RBPJL: variants seen among roughly 807,000 people sequenced by gnomAD.
RBPJL encodes the protein recombining binding protein suppressor of hairless-like protein.
A neutral mutation model predicts 57.6 loss-of-function variants in RBPJL; 50 were observed. That is an observed-to-expected ratio of 0.87 (90% confidence interval 0.69 to 1.10). The LOEUF (loss-of-function observed/expected upper bound fraction) is 1.10. Ranked by LOEUF, RBPJL falls within the 50% of genes least tolerant of loss-of-function variation. The probability of loss-of-function intolerance (pLI) is 0.00; values close to 1 mark genes in which losing one functional copy is unlikely to be tolerated. For missense variants in RBPJL, 684 were observed against 693.7 expected (o/e 0.99, Z 0.16); for synonymous variants, 303 against 294.4 (o/e 1.03, Z -0.30).
At chr20:45,314,367 GC>G in intron 8 of RBPJL, 45 bp from the exon 9 acceptor site, 1 of 1,591,310 alleles carries the variant, frequency 6.3e-7, no homozygotes, top group Non-Finnish European at 8.6e-7. Context: ...GCCTCTGGAC[GC>G]CCGGGCTCCT....
chr20:45,308,234 C>T lies in RBPJL; in HGVS notation c.114C>T (p.Leu38=). The change falls in exon 2 of 12, where the codon CTC becomes CTT. Residue 38 remains leucine (L), a synonymous_variant. Transcript: ENST00000343694. ...QLQSEADRRS[L]PGTWTRSSPE... The stretch of plus-strand genomic sequence containing the variant: ...AGAGCGAAGCCGACAGGCGGAGCCT[C>T]CCGGGCACTTGGACCAGGTAACGGC... The T allele has an allele frequency of 6.2e-7, 1 of 1,613,418 alleles. No individual in the cohort carries two copies. The highest frequency in any genetic ancestry group is 8.5e-7 in the Non-Finnish European group (1 of 1,179,340).
chr20:45,309,818 G>A (rs1168702268), intron 3 of RBPJL, 126 bp downstream of exon 3: 23 of 1,249,674 alleles, frequency 1.8e-5, no homozygotes, highest in Middle Eastern at 1.9e-4. Flanking sequence ...GCTATTGGTC[G>A]ACCAGGGCCT....
chr20:45,309,526 C>A, intron 2 of RBPJL, 41 bp from the exon 3 acceptor site: 1 of 1,582,750 alleles, frequency 6.3e-7, no homozygotes, highest in Non-Finnish European at 8.6e-7. Flanking sequence ...CTTGACCCTT[C>A]TCCCTCCTGT....
At chr20:45,308,444 C>G in intron 2 of RBPJL, 193 bp downstream of exon 2, 1 of 579,316 alleles carries the variant, frequency 1.7e-6, no homozygotes, top group Non-Finnish European at 3.1e-6. Context: ...GCTCCTACCA[C>G]GCTTGGAGCT....
In RBPJL at chr20:45,316,196, T is replaced by G; in HGVS notation, c.1030T>G (p.Cys344Gly). 1 of 1,613,814 alleles carries G rather than the reference T, an allele frequency of 6.2e-7. No homozygotes were observed. Among genetic ancestry groups the G allele is most frequent in the Non-Finnish European group, 8.5e-7 (1 of 1,179,706 alleles). ...TTGGGTCTCCTCCCAGGCCTCTCCC[T>G]GCCCCAAGGAGGCGAACAGGGCTCT... ...EKVVQFQASP[C>G]PKEANRALLN... The change falls in exon 10 of 12, where the codon TGC becomes GGC. Residue 344 changes from cysteine (C) to glycine (G), a missense_variant. Cys to Gly is a radical substitution (Grantham distance 159, BLOSUM62 -3). Coordinates refer to ENST00000343694, the MANE Select transcript of RBPJL (RefSeq NM_014276.4).
At chr20:45,315,289 G>A (rs571269015) in intron 9 of RBPJL, among the ~76,000 whole-genome samples, 35 of 151,952 alleles carry the variant, frequency 2.3e-4, no homozygotes, top group Non-Finnish European at 4.3e-4. Context: ...AGAATGTTAC[G>A]AGATAGAATT....
chr20:45,313,468 T>C lies in RBPJL; in HGVS notation c.620T>C (p.Leu207Pro). The change falls in exon 7 of 12, where the codon CTG becomes CCG. Residue 207 changes from leucine to proline, a missense_variant and splice_region_variant. Coordinates refer to ENST00000343694, the MANE Select transcript of RBPJL (RefSeq NM_014276.4). The stretch of plus-strand genomic sequence containing the variant: ...CTAACCCTGACCCTCACCCTCACAG[T>C]GTGCATATCCTCCGGCTCAAAGGTC... ...QKKQSLKNTD[L>P]CISSGSKVSL... is the part of the protein sequence containing the mutation. 3 of 1,610,750 alleles carry C rather than the reference T, an allele frequency of 1.9e-6. No homozygotes were observed. The highest frequency in any genetic ancestry group is 2.2e-5 in the East Asian group (1 of 44,826).
rs1986915693 is a variant in RBPJL, at chr20:45,308,241, A to C, written c.121A>C (p.Thr41Pro). Residue 41 changes from threonine (T) to proline (P), a missense_variant, in exon 2 of 12, where the codon ACT becomes CCT. Physicochemically the swap from Thr to Pro is conservative, Grantham distance 38. Coordinates refer to ENST00000343694, the MANE Select transcript of RBPJL (RefSeq NM_014276.4). ...AGCCGACAGGCGGAGCCTCCCGGGC[A>C]CTTGGACCAGGTAACGGCGGCGTGG... ...SEADRRSLPG[T>P]WTRSSPEHTT... The C allele has an allele frequency of 6.2e-7, 1 of 1,612,182 alleles. No homozygotes were observed. Among genetic ancestry groups the C allele is most frequent in the East Asian group, 2.2e-5 (1 of 44,862 alleles).
At chr20:45,309,779 G>A (rs897136404) in intron 3 of RBPJL, 87 bp downstream of exon 3, 153 of 1,545,926 alleles carry the variant, frequency 9.9e-5, no homozygotes, top group Middle Eastern at 3.4e-4. Context: ...TCTTTTAGAC[G>A]CAGAGCAGGC....
At chr20:45,311,774 G>C in intron 4 of RBPJL, 65 bp from the exon 5 acceptor site, 1 of 1,531,938 alleles carries the variant, frequency 6.5e-7, no homozygotes. Flanking sequence ...GGCGGCGAGC[G>C]CTAAGCTTGC....
chr20:45,308,370 C>T, intron 2 of RBPJL, 119 bp downstream of exon 2: 1 of 623,022 alleles, frequency 1.6e-6, no homozygotes, highest in Non-Finnish European at 2.9e-6. Context: ...CAGGCTGCAA[C>T]CCCTCCCACT....
At chr20:45,314,333 A>G in intron 8 of RBPJL, 80 bp from the exon 9 acceptor site, 1 of 1,498,990 alleles carries the variant, frequency 6.7e-7, no homozygotes, top group South Asian at 1.2e-5. Context: ...CTATTGGAGT[A>G]GCAGACAGCC....
At chr20:45,311,683 C>CGGCCGCCTG (rs1555857780) in intron 4 of RBPJL, 24 bp downstream of exon 4, 1 of 1,612,608 alleles carries the variant, frequency 6.2e-7, no homozygotes, top group Non-Finnish European at 8.5e-7. Flanking sequence ...CAAGGGCTGC[C>CGGCCGCCTG]GGCCGCCTGC....
intron 9 of RBPJL, chr20:45,315,799 GAAAGAA>G (rs1357806099): frequency 1.5e-5 from 2 of 136,376 alleles, no homozygotes; most frequent in Admixed American, 1.7e-4. Context: ...GAGAGAGAGA[GAAAGAA>G]AAAGAAAGAA....
chr20:45,310,390 T>A (rs1987102621), intron 3 of RBPJL, among the ~76,000 whole-genome samples: 1 of 152,084 alleles, frequency 6.6e-6, no homozygotes, highest in Non-Finnish European at 1.5e-5. Context: ...GCGGATCACC[T>A]GAGGTCAGGA....
intron 6 of RBPJL, among the ~76,000 whole-genome samples, chr20:45,313,007 CAAAA>C (rs11476630): frequency 4.9e-5 from 6 of 121,828 alleles, no homozygotes; most frequent in Admixed American, 8.0e-5. Context: ...GATGCTATCT[CAAAA>C]AAAAAAAAAA....
Position 45,306,948 on chromosome 20 carries a change from AGC to A in RBPJL, c.22+7_22+8del, listed in dbSNP as rs1446961962. ...ATGGACCCCGCAGGGGCAGCAGGTGAGCGCTTACCCTCCCGAGGCCCCGGAGA... is the reference window on the plus strand; with the variant it reads ...ATGGACCCCGCAGGGGCAGCAGGTGAGCTTACCCTCCCGAGGCCCCGGAGA... On this transcript the variant is annotated splice_donor_5th_base_variant and intron_variant, in intron 1 of 11. Transcript: ENST00000343694. 54 of 1,253,956 alleles carry A rather than the reference AGC, an allele frequency of 4.3e-5. No homozygotes were observed. Among genetic ancestry groups the A allele is most frequent in the Non-Finnish European group, 5.2e-5 (52 of 991,062 alleles). 77.7% of individuals were successfully genotyped at this position (1,253,956 alleles called of 1,614,324 possible). A position where few individuals can be genotyped will look rare whatever the true frequency, so the allele number is the denominator to read the frequency against.
chr20:45,315,138 C>A (rs1278980934), intron 9 of RBPJL, among the ~76,000 whole-genome samples: 1 of 151,970 alleles, frequency 6.6e-6, no homozygotes, highest in Admixed American at 6.6e-5. Flanking sequence ...AAATAAAAAT[C>A]ATGATAGGTA....
intron 9 of RBPJL, 90 bp from the exon 10 acceptor site, chr20:45,316,097 C>G: frequency 7.6e-7 from 1 of 1,317,840 alleles, no homozygotes; most frequent in Non-Finnish European, 1.1e-6. Context: ...CCAGTTCGGT[C>G]TAACGCAGAA....
Sources: allele counts gnomAD v4.1 joint callset (sites outside exome capture counted in the v4.1 genomes callset), GRCh38; gene constraint gnomAD v4.1.1; transcripts MANE v1.5; gene names NCBI Gene and HGNC (gene_info 2026-07-23, HGNC 2026-07-21).